The following SLC16A10 variants were observed in gnomAD, a reference collection of about 807,000 sequenced individuals.
SLC16A10 encodes solute carrier family 16 member 10.
A neutral mutation model predicts 40.0 loss-of-function variants in SLC16A10; 27 were observed. That is an observed-to-expected ratio of 0.67 (90% CI 0.50 to 0.93). The LOEUF (loss-of-function observed/expected upper bound fraction) is 0.93, where lower values mean the gene tolerates loss of function less well. Ranked by LOEUF, SLC16A10 falls within the 40% of genes least tolerant of loss-of-function variation. The probability of loss-of-function intolerance (pLI) is 0.00; values close to 1 mark genes in which losing one functional copy is unlikely to be tolerated. For synonymous variants in SLC16A10, 213 were observed against 249.8 expected (o/e 0.85, Z 1.39); for missense variants, 529 against 658.2 (o/e 0.80, Z 2.15).
chr6:111,173,090 A>G lies in SLC16A10; in HGVS notation c.488+251A>G, dbSNP rs187546395. On this transcript the variant is annotated intron_variant, in intron 2 of 5. Coordinates refer to ENST00000368851, the MANE Select transcript of SLC16A10 (RefSeq NM_018593.5). ...ATATATGTGTTTCTTGGTGCATGGA[A>G]AAATGTTTCTCCTTATCTTTTTCTT... Among the ~76,000 whole-genome samples the G allele has an allele frequency of 6.6e-5, 10 of 152,320 alleles. No homozygotes were observed. The East Asian group carries it at 1.7e-3, about 26-fold the overall frequency.
At chr6:111,176,421 A>T (rs1772685425) in intron 2 of SLC16A10, among the ~76,000 whole-genome samples, 1 of 152,234 alleles carries the variant, frequency 6.6e-6, no homozygotes, top group Non-Finnish European at 1.5e-5. Context: ...TAATGATATG[A>T]TCCTTTATCT....
At chr6:111,152,062 C>G (rs1347124877) in intron 1 of SLC16A10, among the ~76,000 whole-genome samples, 1 of 152,182 alleles carries the variant, frequency 6.6e-6, no homozygotes, top group Non-Finnish European at 1.5e-5. Context: ...GTTTCCACCC[C>G]CTCAGTAACT....
Position 111,089,908 on chromosome 6 carries a change from G to GTTTTTTTTTTTT in SLC16A10, c.343+1840_343+1851dup, listed in dbSNP as rs541758500. ...TAGATCCTTTGGTGTCTGTGGGTGG[G>GTTTTTTTTTTTT]TTTTTTTTTTTTTTTTTTTTTTTTT... On this transcript the variant is annotated intron_variant, in intron 1 of 5. Coordinates refer to ENST00000368851, the MANE Select transcript of SLC16A10 (RefSeq NM_018593.5). Among the ~76,000 whole-genome samples, 11 of 52,334 alleles carry GTTTTTTTTTTTT rather than the reference G, an allele frequency of 2.1e-4. 4 individuals carry two copies. Among genetic ancestry groups the GTTTTTTTTTTTT allele is most frequent in the South Asian group, 1.4e-3 (2 of 1,452 alleles). The allele number at this position is 52,334 out of a possible 152,430, so 34.3% of individuals were successfully genotyped here.
intron 1 of SLC16A10, among the ~76,000 whole-genome samples, chr6:111,171,595 C>T (rs576972110): frequency 5.3e-5 from 8 of 152,032 alleles, no homozygotes; most frequent in East Asian, 3.9e-4. Flanking sequence ...GGTGGGTGAT[C>T]GCTTGAACCT....
rs758857738 is a variant in SLC16A10, at chr6:111,206,704, A to G, written c.1055A>G (p.Tyr352Cys). 1.9e-6 allele frequency: 3 copies of G among 1,614,222 alleles called. No homozygotes were observed. The highest frequency in any genetic ancestry group is 2.5e-6 in the Non-Finnish European group (3 of 1,180,046). ...CTGCTCTTTGGCCGGATTGCAGATT[A>G]TGTGCCTGGTGTGAAGAAGGTTTAT... ...GRLLFGRIAD[Y>C]VPGVKKVYLQ... Residue 352 changes from tyrosine (Y) to cysteine (C), a missense_variant, in exon 4 of 6, where the codon TAT (tyrosine) becomes TGT (cysteine). Coordinates refer to ENST00000368851, the MANE Select transcript of SLC16A10 (RefSeq NM_018593.5).
intron 3 of SLC16A10, among the ~76,000 whole-genome samples, chr6:111,201,420 C>T (rs17807032): frequency 0.063 from 9,591 of 152,202 alleles, 438 homozygotes; most frequent in Non-Finnish European, 0.099. Context: ...CCTCTGTATA[C>T]GGCCTTTGTT....
At chr6:111,200,999 T>C (rs1256783599) in intron 3 of SLC16A10, among the ~76,000 whole-genome samples, 1 of 152,236 alleles carries the variant, frequency 6.6e-6, no homozygotes, top group African/African-American at 2.4e-5. Flanking sequence ...CAGTTTGAAT[T>C]CCATAATTGC....
At chr6:111,169,219 G>A (rs745338722) in intron 1 of SLC16A10, among the ~76,000 whole-genome samples, 19 of 152,328 alleles carry the variant, frequency 1.2e-4, no homozygotes, top group Non-Finnish European at 1.8e-4. Flanking sequence ...TGGGCCTAGC[G>A]GAGGAGAAGG....
chr6:111,100,976 CTCTCTCTCTCTCTCTCTATA>C (rs1161763331), intron 1 of SLC16A10, among the ~76,000 whole-genome samples: 1 of 122,992 alleles, frequency 8.1e-6, no homozygotes, highest in Non-Finnish European at 1.6e-5. Flanking sequence ...CTCTCTCTCT[CTCTCTCTCTCTCTCTCTATA>C]TATATATATA....
chr6:111,159,160 T>C (rs899184875), intron 1 of SLC16A10, among the ~76,000 whole-genome samples: 12 of 150,562 alleles, frequency 8.0e-5, no homozygotes, highest in African/African-American at 2.4e-4. Context: ...ATCCCCTTCA[T>C]GCACACTTTC....
chr6:111,173,924 C>A (rs1458931570), intron 2 of SLC16A10, among the ~76,000 whole-genome samples: 1 of 152,162 alleles, frequency 6.6e-6, no homozygotes, highest in African/African-American at 2.4e-5. Context: ...AAAAATTCTT[C>A]CTGAAACTGG....
intron 5 of SLC16A10, among the ~76,000 whole-genome samples, chr6:111,220,393 T>C (rs1770868287): frequency 6.6e-6 from 1 of 152,218 alleles, no homozygotes; most frequent in South Asian, 2.1e-4. Flanking sequence ...AGATGTCCTA[T>C]GTTCAGTATT....
chr6:111,159,072 A>G (rs1488166905), intron 1 of SLC16A10, among the ~76,000 whole-genome samples: 8 of 144,604 alleles, frequency 5.5e-5, no homozygotes, highest in African/African-American at 2.1e-4. Flanking sequence ...TGACTCAAAA[A>G]AAAAAAAAAA....
rs1241339856 is a variant in SLC16A10, at chr6:111,206,753, T to C, written c.1086+18T>C. On this transcript the variant is annotated intron_variant, in intron 4 of 5. Coordinates refer to ENST00000368851, the MANE Select transcript of SLC16A10 (RefSeq NM_018593.5). Reference sequence around the variant, plus strand: ...ATCTACAGGTACTTTTTTACACCTTTTTTCCCCTATCAAAAATTACTCTCA... The same window carrying C: ...ATCTACAGGTACTTTTTTACACCTTCTTTCCCCTATCAAAAATTACTCTCA... 1.2e-6 allele frequency: 2 copies of C among 1,606,252 alleles called. No individual in the cohort carries two copies. Among genetic ancestry groups the C allele is most frequent in the Non-Finnish European group, 8.5e-7 (1 of 1,177,848 alleles).
intron 4 of SLC16A10, among the ~76,000 whole-genome samples, chr6:111,215,000 TC>T (rs892389690): frequency 6.6e-6 from 1 of 151,962 alleles, no homozygotes. Flanking sequence ...GCGCCTATAG[TC>T]CCAGCTACTC....
intron 3 of SLC16A10, among the ~76,000 whole-genome samples, chr6:111,192,894 A>G (rs529874678): frequency 6.6e-6 from 1 of 152,368 alleles, no homozygotes; most frequent in South Asian, 2.1e-4. Flanking sequence ...CTCCTAGGAC[A>G]CATGGGGATT....
chr6:111,109,963 T>C (rs1771356690), intron 1 of SLC16A10, among the ~76,000 whole-genome samples: 2 of 152,222 alleles, frequency 1.3e-5, no homozygotes, highest in African/African-American at 4.8e-5. Flanking sequence ...CTGTGTACTT[T>C]TTTTTTGAAA....
At chr6:111,121,537 G>A (rs568983155) in intron 1 of SLC16A10, among the ~76,000 whole-genome samples, 1 of 152,310 alleles carries the variant, frequency 6.6e-6, no homozygotes, top group East Asian at 1.9e-4. Flanking sequence ...CCCCAGCTTG[G>A]GTGATACAGT....
At position 111,222,690 on chromosome 6, in the gene SLC16A10, G is replaced by A. The variant is rs978434417; in HGVS notation, c.*455G>A. The stretch of plus-strand genomic sequence containing the variant: ...AAACTTTTTGCAAAATTTAAGCCTG[G>A]GTTCTAGATAATACCAGATCTACCT... On this transcript the variant is annotated 3_prime_UTR_variant, in exon 6 of 6. Transcript: ENST00000368851. 1 of 162,778 alleles carries A rather than the reference G, an allele frequency of 6.1e-6. No individual in the cohort carries two copies. Among genetic ancestry groups the A allele is most frequent in the Non-Finnish European group, 1.3e-5 (1 of 76,274 alleles). The allele number at this position is 162,778 out of a possible 1,614,324, so 10.1% of individuals were successfully genotyped here. A position where few individuals can be genotyped will look rare whatever the true frequency, so the allele number is the denominator to read the frequency against.
Sources: allele counts gnomAD v4.1 joint callset (sites outside exome capture counted in the v4.1 genomes callset), GRCh38; gene constraint gnomAD v4.1.1; transcripts MANE v1.5; gene names NCBI Gene and HGNC (gene_info 2026-07-23, HGNC 2026-07-21).